The following UTRN variants were observed in gnomAD, a reference collection of about 807,000 sequenced individuals.
The protein encoded by UTRN is utrophin.
UTRN carries 283 observed loss-of-function variants against 463.9 expected under a neutral mutation model. That is an observed-to-expected ratio of 0.61 (90% CI 0.55 to 0.67). The LOEUF (loss-of-function observed/expected upper bound fraction) is 0.67, where lower values mean the gene tolerates loss of function less well. UTRN is among the 30% of genes least tolerant of loss of function. The pLI, the probability that UTRN is intolerant of heterozygous loss-of-function variation, is 0.00. For synonymous variants in UTRN, 1,442 were observed against 1,431.5 expected, an observed-to-expected ratio of 1.01 and a Z score of -0.17; for missense variants, 3,922 against 4,084.3, an observed-to-expected ratio of 0.96 and a Z score of 1.08.
intron 3 of UTRN, among the ~76,000 whole-genome samples, chr6:144,404,983 G>T (rs1057278630): frequency 3.9e-5 from 6 of 152,140 alleles, no homozygotes; most frequent in Admixed American, 3.3e-4. Context: ...CATGTAAATT[G>T]TTTGCCCTGG....
At chr6:144,834,468 C>G (rs1250262860) in intron 69 of UTRN, among the ~76,000 whole-genome samples, 1 of 152,210 alleles carries the variant, frequency 6.6e-6, no homozygotes, top group African/African-American at 2.4e-5. Flanking sequence ...TCATCTAGCT[C>G]TCTGATCTCA....
intron 42 of UTRN, among the ~76,000 whole-genome samples, chr6:144,532,071 A>G (rs1797109311): frequency 6.6e-6 from 1 of 152,210 alleles, no homozygotes; most frequent in Non-Finnish European, 1.5e-5. Context: ...TGGGAGGCAG[A>G]GGTTGCAGTG....
chr6:144,833,308 A>G (rs1780827264), intron 69 of UTRN, among the ~76,000 whole-genome samples: 1 of 152,212 alleles, frequency 6.6e-6, no homozygotes, highest in African/African-American at 2.4e-5. Context: ...TGGATAGGTT[A>G]GGACTGTAGA....
intron 49 of UTRN, among the ~76,000 whole-genome samples, chr6:144,556,333 A>G (rs1799380549): frequency 6.6e-6 from 1 of 152,210 alleles, no homozygotes; most frequent in Non-Finnish European, 1.5e-5. Flanking sequence ...TGTGTTTGTG[A>G]TACTGCTGAC....
intron 50 of UTRN, among the ~76,000 whole-genome samples, chr6:144,574,619 C>T (rs1326303919): frequency 6.6e-6 from 1 of 152,138 alleles, no homozygotes; most frequent in Non-Finnish European, 1.5e-5. Flanking sequence ...TTCACTCTGT[C>T]ACCCAGACTG....
At chr6:144,325,276 T>C (rs1357544972) in intron 2 of UTRN, among the ~76,000 whole-genome samples, 4 of 152,234 alleles carry the variant, frequency 2.6e-5, no homozygotes, top group Non-Finnish European at 4.4e-5. Flanking sequence ...AGAGCTCTGC[T>C]CTCTTTCTTG....
intron 51 of UTRN, among the ~76,000 whole-genome samples, chr6:144,611,187 T>C (rs747748017): frequency 6.6e-6 from 1 of 152,194 alleles, no homozygotes; most frequent in Non-Finnish European, 1.5e-5. Context: ...ATAAAAACTC[T>C]CAACATATTA....
At chr6:144,362,674 A>T (rs1779180378) in intron 2 of UTRN, among the ~76,000 whole-genome samples, 1 of 152,262 alleles carries the variant, frequency 6.6e-6, no homozygotes. Context: ...TTGCCAAGAC[A>T]TGGAAAAAGG....
chr6:144,415,044 C>A (rs1320580664), intron 3 of UTRN, among the ~76,000 whole-genome samples: 2 of 152,140 alleles, frequency 1.3e-5, no homozygotes, highest in Non-Finnish European at 2.9e-5. Flanking sequence ...TTTGACTGTA[C>A]CTTTTCTGTG....
chr6:144,849,071 A>G (rs1782266646), intron 74 of UTRN, among the ~76,000 whole-genome samples: 1 of 152,072 alleles, frequency 6.6e-6, no homozygotes, highest in Non-Finnish European at 1.5e-5. Flanking sequence ...GTAGATGCAG[A>G]TATTGATTAG....
chr6:144,771,197 A>T (rs796674215), intron 58 of UTRN, among the ~76,000 whole-genome samples: 1 of 152,156 alleles, frequency 6.6e-6, no homozygotes, highest in African/African-American at 2.4e-5. Context: ...TTTAATTTGT[A>T]GTTTCAGTTC....
intron 34 of UTRN, among the ~76,000 whole-genome samples, chr6:144,502,414 C>T (rs1253052636): frequency 6.6e-6 from 1 of 152,098 alleles, no homozygotes; most frequent in African/African-American, 2.4e-5. Context: ...CCCCTAGCCC[C>T]CCAGCCCCCA....
At chr6:144,290,668 C>T (rs959710450) in intron 1 of UTRN, among the ~76,000 whole-genome samples, 2 of 151,496 alleles carry the variant, frequency 1.3e-5, no homozygotes, top group Admixed American at 1.3e-4. Context: ...AGCTAGGTTC[C>T]TTAATTTGCA....
At chr6:144,541,641 G>A (rs896774207) in intron 45 of UTRN, among the ~76,000 whole-genome samples, 1 of 152,100 alleles carries the variant, frequency 6.6e-6, no homozygotes, top group African/African-American at 2.4e-5. Flanking sequence ...CTTTCTGCCA[G>A]GTATCATTTT....
In UTRN at chr6:144,458,973, T is replaced by C. The variant is rs1789141585; in HGVS notation, c.2488T>C (p.Ser830Pro). Residue 830 changes from serine (S) to proline (P), a missense_variant, in exon 20 of 75, where the codon TCC (serine) becomes CCC (proline). By Grantham distance (74) the Ser-to-Pro change is moderately conservative. Coordinates refer to ENST00000367545, the MANE Select transcript of UTRN (RefSeq NM_007124.3). ...AAAACACACTTCCATTTCTGAATCT[T>C]CCCGGCAGTCCTTGCCAAGCTTGAA... ...WVKHTSISES[S>P]RQSLPSLKDS... 5.6e-6 allele frequency: 9 copies of C among 1,609,602 alleles called. No homozygotes were observed. The highest frequency in any genetic ancestry group is 7.6e-6 in the Non-Finnish European group (9 of 1,178,614).
In UTRN at chr6:144,782,095, C is replaced by T; in HGVS notation, c.8806C>T (p.Leu2936Phe). The change falls in exon 61 of 75, where the codon CTC becomes TTC. Residue 2936 changes from leucine (L) to phenylalanine (F), a missense_variant. Around this residue, in one of 3 missense-constraint regions of UTRN, gnomAD observed 1,309 missense variants for 1,452.6 expected, o/e 0.90. Coordinates refer to ENST00000367545, the MANE Select transcript of UTRN (RefSeq NM_007124.3). ...CGTTCCACTCTGTGTTGATATGTGT[C>T]TCAATTGGTTGCTCAATGTCTATGA... is the stretch of plus-strand genomic sequence containing the variant. The part of the protein sequence containing the change: ...VNVPLCVDMC[L>F]NWLLNVYDTG... 6.2e-7 allele frequency: 1 copy of T among 1,611,498 alleles called. No homozygotes were observed. Among genetic ancestry groups the T allele is most frequent in the Non-Finnish European group, 8.5e-7 (1 of 1,178,240 alleles).
chr6:144,428,711 T>G lies in UTRN; in HGVS notation c.579-67T>G, dbSNP rs1343319236. The G allele has an allele frequency of 7.8e-5, 69 of 882,972 alleles. No individual in the cohort carries two copies. The East Asian group carries it at 1.9e-3, about 24-fold the overall frequency. 54.7% of individuals were successfully genotyped at this position (882,972 alleles called of 1,614,324 possible). On this transcript the variant is annotated intron_variant, in intron 7 of 74. Transcript: ENST00000367545. ...TAATCTAAAACTAAAATGTATTAGA[T>G]TATAACAATGCCTACTTTGTTTCCA...
At chr6:144,716,043 A>G (rs1268115732) in intron 53 of UTRN, among the ~76,000 whole-genome samples, 1 of 151,948 alleles carries the variant, frequency 6.6e-6, no homozygotes, top group Non-Finnish European at 1.5e-5. Context: ...TTTCAGTTAC[A>G]TGACATATTT....
intron 63 of UTRN, among the ~76,000 whole-genome samples, chr6:144,795,309 G>A (rs1032893679): frequency 3.3e-5 from 5 of 152,242 alleles, no homozygotes; most frequent in African/African-American, 9.6e-5. Flanking sequence ...CTTTGCTATT[G>A]TGAATAGTGC....
Sources: allele counts gnomAD v4.1 joint callset (sites outside exome capture counted in the v4.1 genomes callset), GRCh38; gene constraint gnomAD v4.1.1; regional missense constraint gnomAD v4.1.1; transcripts MANE v1.5; gene names NCBI Gene and HGNC (gene_info 2026-07-23, HGNC 2026-07-21).